Variants in ATRX observed in about 807,000 individuals in gnomAD.
The protein encoded by ATRX is ATRX chromatin remodeler.
Under a neutral mutation model 172.6 loss-of-function variants are expected in ATRX, and 12 were observed. The ratio of observed to expected loss-of-function variants is 0.07; its 90% CI spans 0.04 to 0.11. The LOEUF is 0.11. Among genes scored for constraint, ATRX ranks in the 10% least tolerant of loss-of-function variants. The pLI, the probability that ATRX is intolerant of heterozygous loss-of-function variation, is 1.00. For missense variants in ATRX, 1,368 were observed against 1,767.4 expected, an observed-to-expected ratio of 0.77 and a Z score of 4.05; for synonymous variants, 674 against 594.7, an observed-to-expected ratio of 1.13 and a Z score of -1.94.
chrX:77,763,945 C>T (rs1216365462), intron 1 of ATRX, among the ~76,000 whole-genome samples: 1 of 109,796 alleles, frequency 9.1e-6, no homozygotes, highest in East Asian at 3.0e-4. Flanking sequence ...GAAACCCCGT[C>T]TCAACAAAAA....
intron 6 of ATRX, among the ~76,000 whole-genome samples, chrX:77,692,844 AGAGT>A (rs1239248407): frequency 1.4e-5 from 1 of 70,888 alleles, no homozygotes; most frequent in Non-Finnish European, 2.8e-5. Flanking sequence ...AGCCAATATT[AGAGT>A]GTGTGTGTGT....
At chrX:77,519,717 T>C (rs782520357) in intron 34 of ATRX, among the ~76,000 whole-genome samples, 1 of 111,966 alleles carries the variant, frequency 8.9e-6, no homozygotes, top group East Asian at 2.8e-4. Context: ...GTAACGTGTA[T>C]TAGTACAAGC....
chrX:77,578,835 C>T (rs1333244144), intron 27 of ATRX, among the ~76,000 whole-genome samples: 4 of 111,992 alleles, frequency 3.6e-5, no homozygotes, highest in Admixed American at 1.9e-4. Flanking sequence ...AACAAACGGG[C>T]TCTTGGGTCC....
intron 30 of ATRX, among the ~76,000 whole-genome samples, chrX:77,552,253 A>G (rs1417123420): frequency 9.0e-6 from 1 of 110,769 alleles, no homozygotes; most frequent in Non-Finnish European, 1.9e-5. Flanking sequence ...AAAATGTGGC[A>G]CATATACACC....
At chrX:77,734,806 A>G (rs1428263654) in intron 1 of ATRX, among the ~76,000 whole-genome samples, 1 of 107,840 alleles carries the variant, frequency 9.3e-6, no homozygotes, top group African/African-American at 3.4e-5. Context: ...AATAAGTAAA[A>G]TAAAATAAAA....
chrX:77,782,536 G>A (rs1325053997), intron 1 of ATRX, among the ~76,000 whole-genome samples: 3 of 109,746 alleles, frequency 2.7e-5, no homozygotes, highest in Non-Finnish European at 5.7e-5. Context: ...ATCACCTGAG[G>A]TCAGGAGTTT....
chrX:77,735,751 G>A (rs1174254310), intron 1 of ATRX, among the ~76,000 whole-genome samples: 1 of 96,102 alleles, frequency 1.0e-5, no homozygotes, highest in East Asian at 3.3e-4. Context: ...GCAGTGAGCC[G>A]AGATCGTGCC....
intron 1 of ATRX, among the ~76,000 whole-genome samples, chrX:77,722,360 C>CAA (rs782433623): frequency 6.8e-5 from 7 of 103,138 alleles, no homozygotes; most frequent in Non-Finnish European, 1.2e-4. Flanking sequence ...TTCTGCACAG[C>CAA]AAAAAAAAAA....
intron 1 of ATRX, among the ~76,000 whole-genome samples, chrX:77,763,884 C>T (rs1024069203): frequency 1.8e-5 from 2 of 111,215 alleles, no homozygotes; most frequent in East Asian, 5.8e-4. Flanking sequence ...GAGGCTGAGG[C>T]AAGCGGATCA....
intron 2 of ATRX, among the ~76,000 whole-genome samples, chrX:77,715,107 T>C (rs1479100682): frequency 8.9e-6 from 1 of 111,748 alleles, no homozygotes; most frequent in Non-Finnish European, 1.9e-5. Flanking sequence ...GATATGGCCT[T>C]ATTCCACCCT....
intron 30 of ATRX, among the ~76,000 whole-genome samples, chrX:77,550,022 G>C (rs1166203697): frequency 8.9e-6 from 1 of 112,122 alleles, no homozygotes; most frequent in African/African-American, 3.2e-5. Flanking sequence ...GTAATGAGTA[G>C]AGTGGTGAAT....
chrX:77,687,346 C>T (rs2071637270), intron 7 of ATRX, among the ~76,000 whole-genome samples: 1 of 110,510 alleles, frequency 9.0e-6, no homozygotes, highest in African/African-American at 3.3e-5. Context: ...TCTTTAAATA[C>T]CAAATACCTA....
intron 24 of ATRX, 49 bp from the exon 25 acceptor site, chrX:77,599,629 A>G: frequency 8.3e-7 from 1 of 1,202,912 alleles, no homozygotes. Flanking sequence ...AGATTGTTAG[A>G]AAAGCATAGG....
chrX:77,655,163 G>A (rs781931322), intron 13 of ATRX, among the ~76,000 whole-genome samples: 1 of 110,965 alleles, frequency 9.0e-6, no homozygotes, highest in South Asian at 3.8e-4. Context: ...GGTTTAATGA[G>A]TAACATTTCA....
chrX:77,581,511 A>G (rs2065823223), intron 27 of ATRX, among the ~76,000 whole-genome samples: 1 of 112,129 alleles, frequency 8.9e-6, no homozygotes, highest in African/African-American at 3.2e-5. Context: ...ACAAGAGGAT[A>G]TAACAATTTA....
intron 9 of ATRX, among the ~76,000 whole-genome samples, chrX:77,677,833 T>C (rs2070974109): frequency 9.0e-6 from 1 of 111,069 alleles, no homozygotes; most frequent in Admixed American, 9.6e-5. Flanking sequence ...TACTTAAATG[T>C]TTTTCACAAT....
chrX:77,759,445 G>A (rs1194777992), intron 1 of ATRX, among the ~76,000 whole-genome samples: 6 of 111,502 alleles, frequency 5.4e-5, no homozygotes, highest in Non-Finnish European at 1.1e-4. Context: ...TGGGAGCAGT[G>A]ACTCACACCT....
At chrX:77,573,627 T>C (rs2065498487) in intron 28 of ATRX, among the ~76,000 whole-genome samples, 2 of 111,161 alleles carry the variant, frequency 1.8e-5, no homozygotes, top group African/African-American at 6.5e-5. Context: ...ACACATACAT[T>C]AGAATGAGTA....
chrX:77,530,071 AAAG>A (rs1557045734), intron 30 of ATRX, among the ~76,000 whole-genome samples: 3 of 111,994 alleles, frequency 2.7e-5, no homozygotes, highest in African/African-American at 9.7e-5. Context: ...AGCAAATGCA[AAAG>A]AACTGAAATC....
Sources: allele counts gnomAD v4.1 joint callset (sites outside exome capture counted in the v4.1 genomes callset), GRCh38; gene constraint gnomAD v4.1.1; transcripts MANE v1.5; gene names NCBI Gene and HGNC (gene_info 2026-07-23, HGNC 2026-07-21).